AFF3: variants seen among roughly 807,000 people sequenced by gnomAD.
AFF3 encodes the protein AF4/FMR2 family member 3.
In AFF3, 32 loss-of-function variants were observed where a neutral mutation model predicts 129.7. The ratio of observed to expected loss-of-function variants is 0.25; its 90% confidence interval spans 0.19 to 0.33. The LOEUF is 0.33. AFF3 is among the 10% of genes least tolerant of loss of function. The pLI is 1.00. For synonymous variants in AFF3, 644 were observed against 635.4 expected, an observed-to-expected ratio of 1.01 and a Z score of -0.20; for missense variants, 1,373 against 1,592.0, an observed-to-expected ratio of 0.86 and a Z score of 2.34.
intron 7 of AFF3, among the ~76,000 whole-genome samples, chr2:99,898,119 G>A (rs1694102082): frequency 6.6e-6 from 1 of 152,202 alleles, no homozygotes; most frequent in East Asian, 1.9e-4. Context: ...AAATGTGGCT[G>A]CTTCTCTTCC....
chr2:100,130,767 C>T (rs1692398268), intron 1 of AFF3, among the ~76,000 whole-genome samples: 1 of 152,092 alleles, frequency 6.6e-6, no homozygotes, highest in Non-Finnish European at 1.5e-5. Context: ...GCATGAGCTA[C>T]CTCCAGGACA....
chr2:99,610,587 A>C (rs752308949), intron 13 of AFF3, among the ~76,000 whole-genome samples: 1 of 152,192 alleles, frequency 6.6e-6, no homozygotes, highest in Non-Finnish European at 1.5e-5. Context: ...CCATTCACCC[A>C]ATGAGGGACA....
chr2:99,662,273 T>C (rs541634439), intron 12 of AFF3, among the ~76,000 whole-genome samples: 1 of 152,320 alleles, frequency 6.6e-6, no homozygotes, highest in Non-Finnish European at 1.5e-5. Context: ...TATACGGATA[T>C]GAAAAAGGTC....
chr2:100,060,422 CT>C (rs1158215978), intron 4 of AFF3, among the ~76,000 whole-genome samples: 4 of 152,186 alleles, frequency 2.6e-5, no homozygotes, highest in African/African-American at 9.7e-5. Context: ...AAGGCTATGC[CT>C]TAACCACTGT....
In AFF3 at chr2:100,137,742, G is replaced by A. The variant is rs558626498; in HGVS notation, c.-228+4742C>T. Among the ~76,000 whole-genome samples, 14 of 152,286 alleles carry A rather than the reference G, an allele frequency of 9.2e-5. No individual in the cohort carries two copies. The South Asian group carries it at 1.2e-3, about 14-fold the overall frequency. On this transcript the variant is annotated intron_variant, in intron 1 of 24. Transcript: ENST00000672756. ...GGTCACCTAGCCTCTTTGAGCCTCC[G>A]TTCTCCATAGGTGAAAGGAGTGTAT...
chr2:99,839,518 T>A (rs577694807), intron 7 of AFF3, among the ~76,000 whole-genome samples: 1 of 152,334 alleles, frequency 6.6e-6, no homozygotes, highest in South Asian at 2.1e-4. Flanking sequence ...TTTTCACCAA[T>A]ACTTGCTATT....
At chr2:99,706,194 GA>G (rs1161136021) in intron 11 of AFF3, among the ~76,000 whole-genome samples, 1 of 152,158 alleles carries the variant, frequency 6.6e-6, no homozygotes, top group African/African-American at 2.4e-5. Flanking sequence ...AGACTCTCCA[GA>G]TTACAGGTAT....
chr2:100,029,395 C>T (rs1471252597), intron 4 of AFF3, among the ~76,000 whole-genome samples: 1 of 152,148 alleles, frequency 6.6e-6, no homozygotes, highest in African/African-American at 2.4e-5. Context: ...AGAAAACTGG[C>T]CACCACCTTG....
At chr2:99,764,952 TGAGA>T (rs1256835667) in intron 8 of AFF3, among the ~76,000 whole-genome samples, 1 of 152,208 alleles carries the variant, frequency 6.6e-6, no homozygotes, top group African/African-American at 2.4e-5. Context: ...TGAGGGGCAC[TGAGA>T]GAATTTCCCA....
chr2:99,979,901 C>A (rs926464144), intron 7 of AFF3, among the ~76,000 whole-genome samples: 1 of 152,162 alleles, frequency 6.6e-6, no homozygotes, highest in East Asian at 1.9e-4. Flanking sequence ...CACCAAGAAC[C>A]AGAATTCCAT....
intron 7 of AFF3, among the ~76,000 whole-genome samples, chr2:99,931,205 G>A (rs775421413): frequency 1.1e-4 from 17 of 152,178 alleles, no homozygotes; most frequent in Non-Finnish European, 1.2e-4. Context: ...TATGCCCCAG[G>A]TGGGATGGGT....
intron 8 of AFF3, among the ~76,000 whole-genome samples, chr2:99,818,675 G>A (rs1687423468): frequency 6.6e-6 from 1 of 152,134 alleles, no homozygotes. Context: ...GAGATAGCTG[G>A]TTCAAGCAAT....
intron 11 of AFF3, among the ~76,000 whole-genome samples, chr2:99,677,343 A>T (rs2104515082): frequency 6.6e-6 from 1 of 152,070 alleles, no homozygotes; most frequent in South Asian, 2.1e-4. Context: ...TTGAAGAGTT[A>T]TCAAACTACT....
rs372356451 is a variant in AFF3 at position 99,578,314 on chromosome 2, C to A, written c.2918+13G>T. On this transcript the variant is annotated intron_variant, in intron 18 of 24. Transcript: ENST00000672756. ...TCTTGCCCCTCACCACATTTAAAAGCGTCTGAACTTACATATCATCGAAGA... is the reference window on the plus strand; with the variant it reads ...TCTTGCCCCTCACCACATTTAAAAGAGTCTGAACTTACATATCATCGAAGA... 3 of 1,592,608 alleles carry A rather than the reference C, an allele frequency of 1.9e-6. No individual in the cohort carries two copies. Among genetic ancestry groups the A allele is most frequent in the Non-Finnish European group, 2.6e-6 (3 of 1,172,270 alleles).
intron 4 of AFF3, among the ~76,000 whole-genome samples, chr2:100,084,976 A>C (rs1689305403): frequency 6.6e-6 from 1 of 151,792 alleles, no homozygotes; most frequent in Non-Finnish European, 1.5e-5. Flanking sequence ...CAAATATATT[A>C]GCATATTGCA....
chr2:99,575,414 A>ATTTT (rs540441950), intron 18 of AFF3, among the ~76,000 whole-genome samples: 10 of 127,454 alleles, frequency 7.8e-5, no homozygotes, highest in South Asian at 2.5e-4. Flanking sequence ...TGCCTGGCTA[A>ATTTT]TTTTTTTTTT....
intron 7 of AFF3, among the ~76,000 whole-genome samples, chr2:99,945,782 C>T (rs756868409): frequency 1.1e-4 from 17 of 152,110 alleles, no homozygotes; most frequent in Non-Finnish European, 1.9e-4. Context: ...AGCCATACTC[C>T]CTGAAAGTAA....
At chr2:99,724,703 C>T (rs1469238772) in intron 11 of AFF3, among the ~76,000 whole-genome samples, 1 of 152,138 alleles carries the variant, frequency 6.6e-6, no homozygotes, top group East Asian at 1.9e-4. Context: ...TCAAAGGCAT[C>T]CTGAATCTCA....
intron 7 of AFF3, among the ~76,000 whole-genome samples, chr2:99,918,383 T>C (rs1036504608): frequency 1.3e-5 from 2 of 152,190 alleles, no homozygotes; most frequent in African/African-American, 4.8e-5. Context: ...TCACCTTCTA[T>C]GTTCTTAAAA....
Sources: gnomAD v4.1 joint callset for allele counts (sites outside exome capture counted in the v4.1 genomes callset) on GRCh38, gnomAD v4.1.1 for gene constraint, MANE v1.5 for transcripts, NCBI Gene and HGNC (gene_info 2026-07-23, HGNC 2026-07-21) for gene names.